Variants in TRERF1 observed in about 807,000 individuals in gnomAD.
The protein encoded by TRERF1 is transcriptional-regulating factor 1.
Under a neutral mutation model 122.9 loss-of-function variants are expected in TRERF1, and 27 were observed. The ratio of observed to expected loss-of-function variants is 0.22; its 90% CI spans 0.16 to 0.30. TRERF1 has a LOEUF of 0.30. Ranked by LOEUF, TRERF1 falls within the 10% of genes least tolerant of loss-of-function variation. The pLI is 1.00. For missense variants in TRERF1, 1,248 were observed against 1,560.3 expected, an observed-to-expected ratio of 0.80 and a Z score of 3.37; for synonymous variants, 636 against 641.7, an observed-to-expected ratio of 0.99 and a Z score of 0.13.
chr6:42,404,151 C>T (rs961081908), intron 2 of TRERF1, among the ~76,000 whole-genome samples: 10 of 152,184 alleles, frequency 6.6e-5, no homozygotes, highest in Non-Finnish European at 8.8e-5. Context: ...CCAGCCAGGA[C>T]ATTCTTCTGA....
At chr6:42,256,861 CAGAG>C (rs776226230) in intron 11 of TRERF1, 30 bp from the exon 12 acceptor site, 1 of 1,613,374 alleles carries the variant, frequency 6.2e-7, no homozygotes, top group Admixed American at 1.7e-5. Context: ...GCCAATGCAT[CAGAG>C]AGAGCTGAGT....
intron 5 of TRERF1, among the ~76,000 whole-genome samples, 185 bp downstream of exon 5, chr6:42,267,969 T>C (rs1229376497): frequency 6.6e-6 from 1 of 152,234 alleles, no homozygotes; most frequent in African/African-American, 2.4e-5. Context: ...AAGGACTTAA[T>C]AGAGATTGAT....
chr6:42,389,228 G>GT (rs755731082), intron 2 of TRERF1, among the ~76,000 whole-genome samples: 1 of 152,222 alleles, frequency 6.6e-6, no homozygotes, highest in Non-Finnish European at 1.5e-5. Context: ...AAGAAGCGAG[G>GT]TACCTCTGTG....
chr6:42,287,147 T>G (rs1582824532), intron 4 of TRERF1, among the ~76,000 whole-genome samples: 7 of 72,330 alleles, frequency 9.7e-5, no homozygotes, highest in African/African-American at 1.1e-4. Context: ...TGTTGTGGGG[T>G]GGGGGGAGGG....
intron 3 of TRERF1, among the ~76,000 whole-genome samples, chr6:42,301,442 C>T (rs1468330349): frequency 6.6e-6 from 1 of 152,176 alleles, no homozygotes; most frequent in Non-Finnish European, 1.5e-5. Context: ...GTTGGCCAGG[C>T]TGGTCTTGCA....
chr6:42,239,213 T>G (rs1773043513), intron 15 of TRERF1, among the ~76,000 whole-genome samples: 1 of 152,126 alleles, frequency 6.6e-6, no homozygotes, highest in African/African-American at 2.4e-5. Context: ...TCATGGTGAG[T>G]TCTACCTTTG....
At position 42,230,974 on chromosome 6, in the gene TRERF1, A is replaced by C. The variant is rs116080272; in HGVS notation, c.3278+1707T>G. On this transcript the variant is annotated intron_variant, in intron 17 of 17. Coordinates refer to ENST00000372922, the Ensembl canonical transcript of TRERF1. ...GCCTCAGTTTCTGCCTGTAAAAAAG[A>C]AGCTCCTAAAAGTACCTGCCTCATA... Among the ~76,000 whole-genome samples the C allele has an allele frequency of 5.0e-3, 769 of 152,360 alleles. 3 individuals carry two copies. Among genetic ancestry groups the C allele is most frequent in the African/African-American group, 0.016 (686 of 41,586 alleles).
intron 8 of TRERF1, among the ~76,000 whole-genome samples, chr6:42,260,392 T>C (rs1344110895): frequency 6.6e-6 from 1 of 152,128 alleles, no homozygotes; most frequent in Non-Finnish European, 1.5e-5. Context: ...TTCTCTGAGG[T>C]TGGCTTCCTG....
chr6:42,370,898 T>C (rs1773643674), intron 2 of TRERF1, among the ~76,000 whole-genome samples: 1 of 152,212 alleles, frequency 6.6e-6, no homozygotes, highest in South Asian at 2.1e-4. Context: ...GTGTCTCCTC[T>C]GAGCCCTGGT....
At chr6:42,355,538 G>A (rs1449047388) in intron 3 of TRERF1, among the ~76,000 whole-genome samples, 2 of 152,160 alleles carry the variant, frequency 1.3e-5, no homozygotes, top group Non-Finnish European at 2.9e-5. Context: ...TCAGGGCCTT[G>A]CTTGCTTGAA....
At chr6:42,451,693 C>T (rs1175033841) in intron 1 of TRERF1, among the ~76,000 whole-genome samples, 1 of 150,792 alleles carries the variant, frequency 6.6e-6, no homozygotes, top group African/African-American at 2.4e-5. Flanking sequence ...AGCGTGCAGG[C>T]TCTCCTGATG....
chr6:42,399,892 G>C (rs1779149419), intron 2 of TRERF1, among the ~76,000 whole-genome samples: 1 of 152,052 alleles, frequency 6.6e-6, no homozygotes, highest in Non-Finnish European at 1.5e-5. Flanking sequence ...GTAGTGAATG[G>C]AGAAAGTCAC....
chr6:42,367,216 T>C (rs1772907645), intron 2 of TRERF1, among the ~76,000 whole-genome samples: 1 of 152,156 alleles, frequency 6.6e-6, no homozygotes, highest in African/African-American at 2.4e-5. Context: ...CCCCTCCCCC[T>C]TTCCAGCCTT....
chr6:42,307,579 G>GA (rs1393468008), intron 3 of TRERF1, among the ~76,000 whole-genome samples: 1 of 152,002 alleles, frequency 6.6e-6, no homozygotes, highest in East Asian at 1.9e-4. Context: ...TCACCCAGGG[G>GA]ACACCAGGGG....
intron 3 of TRERF1, among the ~76,000 whole-genome samples, chr6:42,321,507 T>C (rs936731112): frequency 6.6e-6 from 1 of 152,204 alleles, no homozygotes; most frequent in African/African-American, 2.4e-5. Flanking sequence ...CCATAGTATA[T>C]TACTTGGCTC....
intron 2 of TRERF1, among the ~76,000 whole-genome samples, chr6:42,379,339 T>G (rs1186972772): frequency 6.6e-6 from 1 of 151,968 alleles, no homozygotes; most frequent in Non-Finnish European, 1.5e-5. Flanking sequence ...CAATGGAGTC[T>G]CCACCACCCC....
intron 4 of TRERF1, among the ~76,000 whole-genome samples, chr6:42,299,168 C>A (rs913604926): frequency 2.0e-5 from 3 of 147,304 alleles, no homozygotes; most frequent in Non-Finnish European, 4.5e-5. Context: ...AGCTGGATAA[C>A]CCCTGAAAAA....
At chr6:42,372,239 C>T (rs931971319) in intron 2 of TRERF1, among the ~76,000 whole-genome samples, 2 of 152,178 alleles carry the variant, frequency 1.3e-5, no homozygotes, top group African/African-American at 4.8e-5. Context: ...CTACTAGAGT[C>T]AGCTCTAGCT....
chr6:42,450,861 C>A (rs1788353676), intron 2 of TRERF1, among the ~76,000 whole-genome samples: 1 of 152,202 alleles, frequency 6.6e-6, no homozygotes, highest in Non-Finnish European at 1.5e-5. Flanking sequence ...CAGAGTCCTG[C>A]GGTTTCTTAG....
Sources: allele counts gnomAD v4.1 joint callset (sites outside exome capture counted in the v4.1 genomes callset), GRCh38; gene constraint gnomAD v4.1.1; transcripts MANE v1.5; gene names NCBI Gene and HGNC (gene_info 2026-07-23, HGNC 2026-07-21).